FLG: variants seen among roughly 807,000 people sequenced by gnomAD.
The protein encoded by FLG is epidermal filaggrin.
Under a neutral mutation model 3.8 loss-of-function variants are expected in FLG, and 6 were observed. That is an observed-to-expected ratio of 1.60 (90% CI 0.87 to 3.15). The LOEUF (loss-of-function observed/expected upper bound fraction) is 3.15, where lower values mean the gene tolerates loss of function less well. Among genes scored for constraint, FLG ranks in the 30% most tolerant of loss-of-function variants. The pLI, the probability that FLG is intolerant of heterozygous loss-of-function variation, is 0.00. For synonymous variants in FLG, 2,551 were observed against 1,931.6 expected, an observed-to-expected ratio of 1.32 and a Z score of -8.41; for missense variants, 7,595 against 5,050.9, an observed-to-expected ratio of 1.50 and a Z score of -15.27.
At position 152,311,731 on chromosome 1, in the gene FLG, C is replaced by G; in HGVS notation, c.3155G>C (p.Arg1052Thr). Reference protein sequence around the residue: ...DSSRHSGIPRRQASSAVRDSG... With the variant: ...DSSRHSGIPRTQASSAVRDSG... ...GTCTCTGACTGCAGATGAAGCTTGT[C>G]TGCGCGGAATGCCTGAGTGTCTGGA... Residue 1052 changes from arginine (R) to threonine (T), a missense_variant, in exon 3 of 3, where the codon AGA (arginine) becomes ACA (threonine). Transcript: ENST00000368799. 1 of 1,614,054 alleles carries G rather than the reference C, an allele frequency of 6.2e-7. No individual in the cohort carries two copies. The highest frequency in any genetic ancestry group is 1.1e-5 in the South Asian group (1 of 91,078).
In FLG at chr1:152,310,050, C is replaced by T. The variant is rs1450011014; in HGVS notation, c.4836G>A (p.Glu1612=). 3 of 1,613,886 alleles carry T rather than the reference C, an allele frequency of 1.9e-6. No homozygotes were observed. The highest frequency in any genetic ancestry group is 1.7e-6 in the Non-Finnish European group (2 of 1,180,008). The change falls in exon 3 of 3, where the codon GAG becomes GAA. Residue 1612 remains glutamate (E), a synonymous_variant. Transcript: ENST00000368799. ...GHSEDSERRS[E]SASRNHYGSA... ...ATCCATAATGGTTTCTGGAAGCCGA[C>T]TCAGACCGCCTCTCAGAGTCTTCTG...
chr1:152,310,720 C>G lies in FLG; in HGVS notation c.4166G>C (p.Gly1389Ala). 6.2e-7 allele frequency: 1 copy of G among 1,614,008 alleles called. No individual in the cohort carries two copies. Among genetic ancestry groups the G allele is most frequent in the Non-Finnish European group, 8.5e-7 (1 of 1,180,014 alleles). ...GTTAGTGACCTGACTACCACTGGAC[C>G]CTCGGTGTCCACTGTCTCTGACTGC... is the stretch of plus-strand genomic sequence containing the variant. ...SSAVRDSGHRGSSGSQVTNSE... is the reference protein window; with the variant it reads ...SSAVRDSGHRASSGSQVTNSE... Residue 1389 changes from glycine to alanine, a missense_variant, in exon 3 of 3, where the codon GGG becomes GCG. By Grantham distance (60) the Gly-to-Ala change is moderately conservative (BLOSUM62 0). Transcript: ENST00000368799.
At chr1:152,316,600 T>C (rs542201251) in intron 1 of FLG, among the ~76,000 whole-genome samples, 6 of 152,268 alleles carry the variant, frequency 3.9e-5, no homozygotes, top group Non-Finnish European at 7.4e-5. Context: ...TACAGGTATA[T>C]GCTTCTTACA....
Position 152,309,785 on chromosome 1 carries a change from G to T in FLG, c.5101C>A (p.Gln1701Lys), listed in dbSNP as rs145738429. Residue 1701 changes from glutamine (Q) to lysine (K), a missense_variant, in exon 3 of 3, where the codon CAA becomes AAA. Physicochemically the swap from Gln to Lys is moderately conservative, Grantham distance 53. Transcript: ENST00000368799. ...SSTDSGTGRR[Q>K]DSSVVGDSGN... Reference sequence around the variant, plus strand: ...CTGTCTCCGACTACAGATGAATCTTGTCTGCGCCCAGTGCCTGAGTCTGTG... The same window carrying T: ...CTGTCTCCGACTACAGATGAATCTTTTCTGCGCCCAGTGCCTGAGTCTGTG... 8 of 1,613,898 alleles carry T rather than the reference G, an allele frequency of 5.0e-6. No homozygotes were observed. Among genetic ancestry groups the T allele is most frequent in the Non-Finnish European group, 5.9e-6 (7 of 1,179,986 alleles).
At position 152,313,326 on chromosome 1, in the gene FLG, CG is replaced by C. The variant is rs1045879922; in HGVS notation, c.1559del (p.Pro520ArgfsTer17). On this transcript the variant is annotated frameshift_variant, in exon 3 of 3. Coordinates refer to ENST00000368799, the MANE Select transcript of FLG (RefSeq NM_002016.2). LOFTEE classifies it low-confidence loss of function (END_TRUNC). ...QEGQDTIRGH[P>X]GSSRGGRQGS... ...CCTGCCTTCCTCCTCTGCTTGACCC[CG>C]GGTGTCCACGAATGGTGTCCTGACC... The C allele has an allele frequency of 6.2e-7, 1 of 1,613,380 alleles. No individual in the cohort carries two copies. The highest frequency in any genetic ancestry group is 1.3e-5 in the African/African-American group (1 of 74,628).
Position 152,306,026 on chromosome 1 carries a change from G to T in FLG, c.8860C>A (p.His2954Asn). The change falls in exon 3 of 3, where the codon CAC (histidine) becomes AAC (asparagine). Residue 2954 changes from histidine to asparagine, a missense_variant. Transcript: ENST00000368799. Reference sequence around the variant, plus strand: ...TGTCCACCAGAGGAAGTCTGTGTGTGACGAGTGCCTGATTGTCTGGAGCTG... The same window carrying T: ...TGTCCACCAGAGGAAGTCTGTGTGTTACGAGTGCCTGATTGTCTGGAGCTG... ...ADSSRQSGTR[H>N]TQTSSGGQAA... The T allele has an allele frequency of 1.9e-6, 3 of 1,590,416 alleles. No individual in the cohort carries two copies. Among genetic ancestry groups the T allele is most frequent in the Non-Finnish European group, 2.5e-6 (3 of 1,177,330 alleles).
chr1:152,309,501 C>G lies in FLG; in HGVS notation c.5385G>C (p.Glu1795Asp). 2 of 1,613,780 alleles carry G rather than the reference C, an allele frequency of 1.2e-6. No homozygotes were observed. The highest frequency in any genetic ancestry group is 1.7e-6 in the Non-Finnish European group (2 of 1,179,926). The part of the protein sequence containing the change: ...STGGRQRSRH[E>D]QARDSSRHSA... ...AGTGCCTGGAGCTGTCTCGTGCCTG[C>G]TCGTGGCGGGATCTTTGTCTTCCTC... is the stretch of plus-strand genomic sequence containing the variant. The change falls in exon 3 of 3, where the codon GAG (glutamate) becomes GAC (aspartate). Residue 1795 changes from glutamate to aspartate, a missense_variant. Coordinates refer to ENST00000368799, the MANE Select transcript of FLG (RefSeq NM_002016.2).
rs767412177 is a variant in FLG, at chr1:152,304,537, T to C, written c.10349A>G (p.Tyr3450Cys). 6 of 1,611,708 alleles carry C rather than the reference T, an allele frequency of 3.7e-6. No individual in the cohort carries two copies. The highest frequency in any genetic ancestry group is 5.1e-6 in the Non-Finnish European group (6 of 1,179,032). ...SSRRGRQGSH[Y>C]EQSVDRSGHS... ...TCCAGACCTATCTACCGATTGCTCG[T>C]AGTGGGATCCCTGCCTTCCTCTTCT... The change falls in exon 3 of 3, where the codon TAC becomes TGC. Residue 3450 changes from tyrosine to cysteine, a missense_variant. Tyr to Cys is a radical substitution (Grantham distance 194). Coordinates refer to ENST00000368799, the MANE Select transcript of FLG (RefSeq NM_002016.2).
chr1:152,311,237 T>C lies in FLG; in HGVS notation c.3649A>G (p.Ser1217Gly). The C allele has an allele frequency of 6.2e-7, 1 of 1,613,736 alleles. No homozygotes were observed. Among genetic ancestry groups the C allele is most frequent in the South Asian group, 1.1e-5 (1 of 91,058 alleles). The change falls in exon 3 of 3, where the codon AGC becomes GGC. Residue 1217 changes from serine to glycine, a missense_variant. Physicochemically the swap from Ser to Gly is moderately conservative, Grantham distance 56. Coordinates refer to ENST00000368799, the MANE Select transcript of FLG (RefSeq NM_002016.2). ...SHGQSGSRSASRQTRKDKQSG... is the reference protein window; with the variant it reads ...SHGQSGSRSAGRQTRKDKQSG... ...TGTTTGTCCTTACGAGTTTGTCTGCTTGCACTTCTGGATCCTGACTGCCCA... is the reference window on the plus strand; with the variant it reads ...TGTTTGTCCTTACGAGTTTGTCTGCCTGCACTTCTGGATCCTGACTGCCCA...
At position 152,312,013 on chromosome 1, in the gene FLG, T is replaced by A. The variant is rs770747509; in HGVS notation, c.2873A>T (p.Asp958Val). 3 of 1,613,718 alleles carry A rather than the reference T, an allele frequency of 1.9e-6. No individual in the cohort carries two copies. The highest frequency in any genetic ancestry group is 2.5e-6 in the Non-Finnish European group (3 of 1,179,942). ...QDSDSEGHSE[D>V]SERWSGSASR... Reference sequence around the variant, plus strand: ...AGCAGACCCAGACCACCTCTCAGAGTCTTCTGAATGTCCCTCACTGTCACT... The same window carrying A: ...AGCAGACCCAGACCACCTCTCAGAGACTTCTGAATGTCCCTCACTGTCACT... Residue 958 changes from aspartate (D) to valine (V), a missense_variant, in exon 3 of 3, where the codon GAC becomes GTC. Transcript: ENST00000368799.
chr1:152,313,990 T>C lies in FLG; in HGVS notation c.896A>G (p.Gln299Arg), dbSNP rs1652659833. 6.2e-7 allele frequency: 1 copy of C among 1,614,238 alleles called. No homozygotes were observed. Among genetic ancestry groups the C allele is most frequent in the South Asian group, 1.1e-5 (1 of 91,088 alleles). The change falls in exon 3 of 3, where the codon CAG becomes CGG. Residue 299 changes from glutamine (Q) to arginine (R), a missense_variant. By Grantham distance (43) the Gln-to-Arg change is conservative. Coordinates refer to ENST00000368799, the MANE Select transcript of FLG (RefSeq NM_002016.2). Reference sequence around the variant, plus strand: ...TGAGTGTCCCTCACTGTCCCTGTCCTGGCTAACTCTGGATCCCCTACGCTT... The same window carrying C: ...TGAGTGTCCCTCACTGTCCCTGTCCCGGCTAACTCTGGATCCCCTACGCTT... ...TRKRRGSRVS[Q>R]DRDSEGHSED... is the part of the protein sequence containing the mutation.
In FLG at chr1:152,311,859, G is replaced by C. The variant is rs766121080; in HGVS notation, c.3027C>G (p.His1009Gln). The C allele has an allele frequency of 6.2e-7, 1 of 1,613,582 alleles. No homozygotes were observed. ...ADSSRQSGTP[H>Q]AETSSGGQAA... ...CCTGTCCACCAGAGGAAGTCTCTGC[G>C]TGAGGAGTTCCTGATTGTCTGGAGC... Residue 1009 changes from histidine to glutamine, a missense_variant, in exon 3 of 3, where the codon CAC becomes CAG. By Grantham distance (24) the His-to-Gln change is conservative. Transcript: ENST00000368799.
chr1:152,302,797 G>A lies in FLG; in HGVS notation c.12089C>T (p.Thr4030Met), dbSNP rs76330665. 1.1e-5 allele frequency: 18 copies of A among 1,613,934 alleles called. No homozygotes were observed. The highest frequency in any genetic ancestry group is 1.7e-5 in the Admixed American group (1 of 59,992). ...TAAACCTGGGTCCTTATTAATATACGTTGCATAATACCTTGGATGATCTTT... is the reference window on the plus strand; with the variant it reads ...TAAACCTGGGTCCTTATTAATATACATTGCATAATACCTTGGATGATCTTT... ...FGKDHPRYYA[T>M]YINKDPGLCG... Residue 4030 changes from threonine (T) to methionine (M), a missense_variant, in exon 3 of 3, where the codon ACG becomes ATG. Coordinates refer to ENST00000368799, the MANE Select transcript of FLG (RefSeq NM_002016.2).
intron 1 of FLG, among the ~76,000 whole-genome samples, chr1:152,318,412 A>T (rs981117685): frequency 2.6e-5 from 4 of 151,810 alleles, no homozygotes; most frequent in South Asian, 2.1e-4. Context: ...TCCTTTCTTA[A>T]TGGAGTCTTT....
In FLG at chr1:152,302,638, T is replaced by C; in HGVS notation, c.*62A>G. On this transcript the variant is annotated 3_prime_UTR_variant, in exon 3 of 3. Coordinates refer to ENST00000368799, the MANE Select transcript of FLG (RefSeq NM_002016.2). ...TCCCTGAAAGTATTATGAAGTTTCT[T>C]GATTGAAAGTGAACTTGCTTCATTC... 2 of 1,593,280 alleles carry C rather than the reference T, an allele frequency of 1.3e-6. No individual in the cohort carries two copies. Among genetic ancestry groups the C allele is most frequent in the Non-Finnish European group, 1.7e-6 (2 of 1,169,764 alleles).
rs544796549 is a variant in FLG, at chr1:152,303,564, G to A, written c.11322C>T (p.His3774=). 6.2e-5 allele frequency: 100 copies of A among 1,613,974 alleles called. No homozygotes were observed. The highest frequency in any genetic ancestry group is 2.7e-4 in the African/African-American group (20 of 74,970). The change falls in exon 3 of 3, where the codon CAC becomes CAT. Residue 3774 remains histidine, a synonymous_variant. Transcript: ENST00000368799. ...SRRGGRQGSY[H]EQSVDRSGHS... is the part of the protein sequence containing the mutation. ...GTCCAGACCTATCTACCGATTGCTC[G>A]TGGTAGGATCCCTGTCTTCCTCCTC...
Position 152,309,508 on chromosome 1 carries a change from C to A in FLG, c.5378G>T (p.Arg1793Leu). The A allele has an allele frequency of 1.2e-6, 2 of 1,613,696 alleles. No individual in the cohort carries two copies. The highest frequency in any genetic ancestry group is 1.3e-5 in the African/African-American group (1 of 74,892). The change falls in exon 3 of 3, where the codon CGC becomes CTC. Residue 1793 changes from arginine to leucine, a missense_variant. Arg to Leu is a moderately radical substitution (Grantham distance 102, BLOSUM62 -2). Transcript: ENST00000368799. ...GGAGCTGTCTCGTGCCTGCTCGTGG[C>A]GGGATCTTTGTCTTCCTCCAGTGCT... The part of the protein sequence containing the change: ...GPSTGGRQRS[R>L]HEQARDSSRH...
Position 152,308,926 on chromosome 1 carries a change from C to A in FLG, c.5960G>T (p.Arg1987Leu). ...SGTRHTESSS[R>L]GQAASSHEQA... ...TTCATGGGATGACGCAGCCTGTCCA[C>A]GAGAGGAAGACTCTGTGTGACGAGT... Residue 1987 changes from arginine to leucine, a missense_variant, in exon 3 of 3, where the codon CGT (arginine) becomes CTT (leucine). Arg to Leu is a moderately radical substitution (Grantham distance 102). Coordinates refer to ENST00000368799, the MANE Select transcript of FLG (RefSeq NM_002016.2). 1 of 1,614,110 alleles carries A rather than the reference C, an allele frequency of 6.2e-7. No individual in the cohort carries two copies.
In FLG at chr1:152,312,001, C is replaced by T. The variant is rs769798237; in HGVS notation, c.2885G>A (p.Trp962Ter). The T allele has an allele frequency of 1.2e-5, 19 of 1,613,926 alleles. No individual in the cohort carries two copies. Among genetic ancestry groups the T allele is most frequent in the Admixed American group, 1.7e-5 (1 of 60,014 alleles). The change falls in exon 3 of 3, where the codon TGG (tryptophan) becomes TAG (stop). Residue 962 changes from tryptophan (W) to a stop codon, truncating the protein, a stop_gained. Coordinates refer to ENST00000368799, the MANE Select transcript of FLG (RefSeq NM_002016.2). LOFTEE classifies it low-confidence loss of function (END_TRUNC). ...SEGHSEDSER[W>*]SGSASRNHRG... ...ATGGTTTCTGGAAGCAGACCCAGAC[C>T]ACCTCTCAGAGTCTTCTGAATGTCC...
Sources: allele counts gnomAD v4.1 joint callset (sites outside exome capture counted in the v4.1 genomes callset), GRCh38; gene constraint gnomAD v4.1.1; transcripts MANE v1.5; gene names NCBI Gene and HGNC (gene_info 2026-07-23, HGNC 2026-07-21).